Variants in SEL1L3 observed in about 807,000 individuals in gnomAD.
SEL1L3 encodes protein sel-1 homolog 3.
SEL1L3 carries 76 observed loss-of-function variants against 142.8 expected under a neutral mutation model. The ratio of observed to expected loss-of-function variants is 0.53; its 90% CI spans 0.44 to 0.64. SEL1L3 has a LOEUF of 0.64. Ranked by LOEUF, SEL1L3 falls within the 30% of genes least tolerant of loss-of-function variation. The pLI is 0.00. For synonymous variants in SEL1L3, 504 were observed against 519.6 expected, an observed-to-expected ratio of 0.97 and a Z score of 0.41; for missense variants, 1,262 against 1,381.7, an observed-to-expected ratio of 0.91 and a Z score of 1.37.
In SEL1L3 at chr4:25,862,917, C is replaced by G. The variant is rs1245776637; in HGVS notation, c.-81G>C. 1.0e-6 allele frequency: 1 copy of G among 962,206 alleles called. No individual in the cohort carries two copies. Among genetic ancestry groups the G allele is most frequent in the Non-Finnish European group, 1.2e-6 (1 of 807,880 alleles). The allele number at this position is 962,206 out of a possible 1,614,324, so 59.6% of individuals were successfully genotyped here. A position where few individuals can be genotyped will look rare whatever the true frequency, so the allele number is the denominator to read the frequency against. ...CCGCCCGAGGCGCCACCTTCCCGCC[C>G]GCCCCCGGCCGGGCCGGCCGCCGCG... On this transcript the variant is annotated 5_prime_UTR_variant, in exon 1 of 24. Coordinates refer to ENST00000399878, the MANE Select transcript of SEL1L3 (RefSeq NM_015187.5).
intron 23 of SEL1L3, 74 bp downstream of exon 23, chr4:25,757,457 CAAA>C (rs879068722): frequency 0.054 from 21,075 of 389,982 alleles, no homozygotes; most frequent in South Asian, 0.077. Context: ...TCCAGTAGAC[CAAA>C]AAAAAAAAAA....
At chr4:25,791,942 A>C (rs1712365963) in intron 11 of SEL1L3, among the ~76,000 whole-genome samples, 1 of 151,578 alleles carries the variant, frequency 6.6e-6, no homozygotes, top group South Asian at 2.1e-4. Flanking sequence ...TGAGAGTCAC[A>C]AACTTGAGTC....
At chr4:25,844,398 C>A (rs1456657688) in intron 2 of SEL1L3, among the ~76,000 whole-genome samples, 1 of 152,190 alleles carries the variant, frequency 6.6e-6, no homozygotes. Context: ...GAGCTCCCCA[C>A]CATTTTCAGT....
At chr4:25,776,687 T>C (rs926553453) in intron 16 of SEL1L3, 2 of 185,206 alleles carry the variant, frequency 1.1e-5, no homozygotes, top group East Asian at 1.4e-4. Flanking sequence ...TACTGACTTA[T>C]TATTAGCTTT....
intron 23 of SEL1L3, among the ~76,000 whole-genome samples, chr4:25,750,080 A>G (rs1475375046): frequency 5.9e-5 from 9 of 152,026 alleles, no homozygotes; most frequent in African/African-American, 1.9e-4. Flanking sequence ...CTAAAAATAC[A>G]AAAATTAGCC....
At chr4:25,736,243 G>GTGTGTGT in the SEL1L3 span, among the ~76,000 whole-genome samples, 5 of 148,388 alleles carry the variant, frequency 3.4e-5, no homozygotes, top group Non-Finnish European at 7.4e-5. Flanking sequence ...GTGTGTGTGT[G>GTGTGTGT]ATGGAGTTTT....
intron 11 of SEL1L3, among the ~76,000 whole-genome samples, chr4:25,795,644 A>G (rs1420918322): frequency 6.6e-6 from 1 of 152,214 alleles, no homozygotes; most frequent in Non-Finnish European, 1.5e-5. Flanking sequence ...AGTGAGTAGC[A>G]GACCCAGGAC....
At chr4:25,807,522 T>C (rs951890503) in intron 9 of SEL1L3, among the ~76,000 whole-genome samples, 1 of 152,090 alleles carries the variant, frequency 6.6e-6, no homozygotes, top group Non-Finnish European at 1.5e-5. Flanking sequence ...CTTTTAAATG[T>C]GTGCTCATCT....
Position 25,767,771 on chromosome 4 carries a change from G to C in SEL1L3, c.2729C>G (p.Thr910Arg). ...CTCCTCACAGATGTGTGCTAAATTT[G>C]TCTGTGACACTTCAATTCCAGTTTC... ...AAETGIEVSQ[T>R]NLAHICEERP... Residue 910 changes from threonine to arginine, a missense_variant, in exon 18 of 24, where the codon ACA (threonine) becomes AGA (arginine). Transcript: ENST00000399878. The C allele has an allele frequency of 6.3e-7, 1 of 1,584,416 alleles. No individual in the cohort carries two copies. Among genetic ancestry groups the C allele is most frequent in the Non-Finnish European group, 8.6e-7 (1 of 1,163,504 alleles).
At chr4:25,750,699 C>T (rs949369023) in intron 23 of SEL1L3, among the ~76,000 whole-genome samples, 1 of 152,196 alleles carries the variant, frequency 6.6e-6, no homozygotes. Context: ...TATAAGGCTA[C>T]TGCTTTCTTC....
At chr4:25,839,411 C>G (rs1347618075) in intron 2 of SEL1L3, among the ~76,000 whole-genome samples, 2 of 152,112 alleles carry the variant, frequency 1.3e-5, no homozygotes, top group African/African-American at 4.8e-5. Context: ...TTCAGTGAAG[C>G]CTTGTGGTTA....
At chr4:25,749,589 G>A in intron 23 of SEL1L3, among the ~76,000 whole-genome samples, 1 of 152,136 alleles carries the variant, frequency 6.6e-6, no homozygotes, top group East Asian at 1.9e-4. Context: ...CTTTGTCTCT[G>A]CTCATCTGGA....
intron 2 of SEL1L3, among the ~76,000 whole-genome samples, chr4:25,842,976 T>C (rs1394929528): frequency 1.3e-5 from 2 of 151,506 alleles, no homozygotes; most frequent in Non-Finnish European, 2.9e-5. Flanking sequence ...GAGGGGTAGG[T>C]GAGGTAAGGA....
intron 1 of SEL1L3, among the ~76,000 whole-genome samples, chr4:25,861,301 A>G (rs1200553282): frequency 6.6e-6 from 1 of 152,236 alleles, no homozygotes; most frequent in Non-Finnish European, 1.5e-5. Context: ...ATTCATGTTA[A>G]CTGACAACTT....
the SEL1L3 span, among the ~76,000 whole-genome samples, chr4:25,740,155 C>T: frequency 4.8e-4 from 72 of 150,626 alleles, no homozygotes; most frequent in African/African-American, 1.0e-3. Context: ...TCCTAGTGGC[C>T]GGGCATGGTG....
chr4:25,722,629 T>C, the SEL1L3 span, among the ~76,000 whole-genome samples: 1 of 149,738 alleles, frequency 6.7e-6, no homozygotes, highest in Non-Finnish European at 1.5e-5. Context: ...GGAGGCTTTT[T>C]TTTTTTTTTT....
chr4:25,837,113 G>A (rs1715881277), intron 2 of SEL1L3, among the ~76,000 whole-genome samples: 2 of 151,860 alleles, frequency 1.3e-5, no homozygotes, highest in East Asian at 3.9e-4. Flanking sequence ...TGGGCCCACT[G>A]GACTTGCTGG....
chr4:25,740,080 G>A, the SEL1L3 span, among the ~76,000 whole-genome samples: 2 of 151,890 alleles, frequency 1.3e-5, no homozygotes, highest in African/African-American at 2.4e-5. Flanking sequence ...AATTACAGGC[G>A]TGAGCCACCA....
At chr4:25,848,695 C>G (rs1246737148) in intron 1 of SEL1L3, among the ~76,000 whole-genome samples, 1 of 152,206 alleles carries the variant, frequency 6.6e-6, no homozygotes. Flanking sequence ...ATTAAACACA[C>G]ACAACGCATA....
Sources: allele counts gnomAD v4.1 joint callset (sites outside exome capture counted in the v4.1 genomes callset), GRCh38; gene constraint gnomAD v4.1.1; transcripts MANE v1.5; gene names NCBI Gene and HGNC (gene_info 2026-07-23, HGNC 2026-07-21).